LRRC7: variants seen among roughly 807,000 people sequenced by gnomAD.
The protein encoded by LRRC7 is leucine rich repeat containing 7.
Under a neutral mutation model 175.7 loss-of-function variants are expected in LRRC7, and 23 were observed. The ratio of observed to expected loss-of-function variants is 0.13; its 90% confidence interval spans 0.09 to 0.19. The LOEUF is 0.19. Among genes scored for constraint, LRRC7 ranks in the 10% least tolerant of loss-of-function variants. LRRC7 has a pLI of 1.00. For synonymous variants in LRRC7, 685 were observed against 680.9 expected (o/e 1.01, Z -0.09); for missense variants, 1,354 against 1,904.7 (o/e 0.71, Z 5.38).
chr1:69,727,077 A>G (rs1557654676), intron 2 of LRRC7, among the ~76,000 whole-genome samples: 1 of 152,206 alleles, frequency 6.6e-6, no homozygotes, highest in Non-Finnish European at 1.5e-5. Context: ...GGAGCTGGGA[A>G]AGCCCTTCAG....
intron 2 of LRRC7, among the ~76,000 whole-genome samples, chr1:69,740,773 G>A (rs759923974): frequency 2.0e-5 from 3 of 152,036 alleles, no homozygotes; most frequent in Admixed American, 6.6e-5. Context: ...CCTTTAGTCC[G>A]AACTTAAATA....
chr1:69,992,472 A>C (rs1654534069), intron 10 of LRRC7, among the ~76,000 whole-genome samples: 2 of 152,200 alleles, frequency 1.3e-5, no homozygotes, highest in Non-Finnish European at 2.9e-5. Flanking sequence ...GAGTCTAAGC[A>C]CATATGATAT....
intron 1 of LRRC7, among the ~76,000 whole-genome samples, chr1:69,612,749 T>G (rs918996009): frequency 3.3e-5 from 5 of 152,118 alleles, no homozygotes; most frequent in Admixed American, 2.6e-4. Context: ...TAACCGTAAC[T>G]GAAACATATG....
At chr1:69,620,670 T>C (rs1357778506) in intron 1 of LRRC7, among the ~76,000 whole-genome samples, 1 of 152,232 alleles carries the variant, frequency 6.6e-6, no homozygotes, top group Non-Finnish European at 1.5e-5. Flanking sequence ...GTAATGACTA[T>C]ACTTTTCATG....
At chr1:69,639,269 T>C (rs1012016434) in intron 1 of LRRC7, among the ~76,000 whole-genome samples, 5 of 151,758 alleles carry the variant, frequency 3.3e-5, no homozygotes, top group Admixed American at 6.6e-5. Flanking sequence ...AATAACCAAA[T>C]GGTGTTTTTG....
intron 7 of LRRC7, among the ~76,000 whole-genome samples, chr1:69,921,629 G>C (rs969627545): frequency 6.6e-6 from 1 of 151,750 alleles, no homozygotes; most frequent in African/African-American, 2.4e-5. Flanking sequence ...CTTATTTCTG[G>C]CCCCAATTAT....
At chr1:69,574,427 T>G (rs768423309) in intron 1 of LRRC7, among the ~76,000 whole-genome samples, 2 of 152,080 alleles carry the variant, frequency 1.3e-5, no homozygotes, top group African/African-American at 4.8e-5. Context: ...AATACTCTGG[T>G]GTAGTGGCAA....
intron 1 of LRRC7, among the ~76,000 whole-genome samples, chr1:69,650,278 C>G (rs997199936): frequency 2.0e-5 from 3 of 151,888 alleles, no homozygotes; most frequent in Non-Finnish European, 4.4e-5. Context: ...CGGTGGCTCA[C>G]GCCTGTAATC....
At chr1:69,949,668 T>G (rs1649714246) in intron 8 of LRRC7, among the ~76,000 whole-genome samples, 1 of 152,192 alleles carries the variant, frequency 6.6e-6, no homozygotes, top group Non-Finnish European at 1.5e-5. Flanking sequence ...TTCCAATATT[T>G]TGGTATTTTA....
chr1:69,862,439 C>G (rs944335665), intron 7 of LRRC7, among the ~76,000 whole-genome samples: 1 of 152,080 alleles, frequency 6.6e-6, no homozygotes, highest in African/African-American at 2.4e-5. Context: ...GGGAGGAGTA[C>G]AGTAAAAGAC....
intron 1 of LRRC7, among the ~76,000 whole-genome samples, chr1:69,656,428 T>C (rs562410690): frequency 2.8e-4 from 42 of 152,118 alleles, no homozygotes; most frequent in African/African-American, 9.1e-4. Flanking sequence ...AAATAGACTA[T>C]ATTATATCAC....
chr1:69,899,866 G>C (rs376587071), intron 7 of LRRC7, among the ~76,000 whole-genome samples: 5 of 152,142 alleles, frequency 3.3e-5, no homozygotes, highest in African/African-American at 1.2e-4. Context: ...TCACCGGATG[G>C]CAGTGCCTTG....
At chr1:70,115,509 G>A (rs749093190) in intron 26 of LRRC7, among the ~76,000 whole-genome samples, 4 of 152,016 alleles carry the variant, frequency 2.6e-5, no homozygotes, top group East Asian at 3.9e-4. Flanking sequence ...ACACCATTAC[G>A]CAATACTGAT....
intron 23 of LRRC7, among the ~76,000 whole-genome samples, chr1:70,059,474 AGTGTGTGTGTGTGTGTGTGTGTGT>A (rs10542055): frequency 2.3e-5 from 3 of 132,290 alleles, no homozygotes; most frequent in African/African-American, 8.7e-5. Context: ...ACTAGAAGAA[AGTGTGTGTGTGTGTGTGTGTGTGT>A]GTGTGTGTGT....
At chr1:69,711,713 G>A (rs1362401274) in intron 2 of LRRC7, among the ~76,000 whole-genome samples, 1 of 152,146 alleles carries the variant, frequency 6.6e-6, no homozygotes. Context: ...AGCAACACTT[G>A]ATAAATATTA....
At chr1:69,950,249 A>G (rs1354429265) in intron 8 of LRRC7, among the ~76,000 whole-genome samples, 1 of 152,158 alleles carries the variant, frequency 6.6e-6, no homozygotes, top group Non-Finnish European at 1.5e-5. Context: ...GGATGGATAG[A>G]TGATAATATA....
chr1:69,882,445 T>G (rs1203131499), intron 7 of LRRC7, among the ~76,000 whole-genome samples: 1 of 152,126 alleles, frequency 6.6e-6, no homozygotes, highest in African/African-American at 2.4e-5. Flanking sequence ...AGCCAAAATA[T>G]GGAAACAACG....
At position 70,043,935 on chromosome 1, in the gene LRRC7, G is replaced by A. The variant is rs781149923; in HGVS notation, c.3970-19G>A. On this transcript the variant is annotated intron_variant, in intron 21 of 26. Transcript: ENST00000651989. Reference sequence around the variant, plus strand: ...AGCATGTGTTCACACCCTGTCACATGATTATTTCCTCTACTCAGAATGCTG... The same window carrying A: ...AGCATGTGTTCACACCCTGTCACATAATTATTTCCTCTACTCAGAATGCTG... 3.1e-6 allele frequency: 5 copies of A among 1,589,534 alleles called. No homozygotes were observed. The South Asian group carries it at 5.6e-5, about 18-fold the overall frequency.
rs140325712 is a variant in LRRC7, at chr1:69,964,898, A to G, written c.712-15481A>G. ...GTTTCTCTTATGGCATGGTTTCCAG[A>G]TATTCTGGTTTGATGCAGACACCCT... On this transcript the variant is annotated intron_variant, in intron 8 of 26. Transcript: ENST00000651989. 1.4e-4 allele frequency among the ~76,000 whole-genome samples: 21 copies of G among 152,318 alleles called. 1 individual carries two copies. In the East Asian group the frequency reaches 4.1e-3, roughly 29 times the overall value.
Sources: allele counts gnomAD v4.1 joint callset (sites outside exome capture counted in the v4.1 genomes callset), GRCh38; gene constraint gnomAD v4.1.1; transcripts MANE v1.5; gene names NCBI Gene and HGNC (gene_info 2026-07-23, HGNC 2026-07-21).